The following MYT1L variants were observed in gnomAD, a reference collection of about 807,000 sequenced individuals.
MYT1L encodes the protein myelin transcription factor 1 like, also known as myelin transcription factor 1-like protein.
MYT1L carries 12 observed loss-of-function variants against 126.7 expected under a neutral mutation model. That is an observed-to-expected ratio of 0.09 (90% CI 0.06 to 0.15). MYT1L has a LOEUF of 0.15. MYT1L is among the 10% of genes least tolerant of loss of function. The pLI is 1.00. For synonymous variants in MYT1L, 541 were observed against 604.2 expected, an observed-to-expected ratio of 0.90 and a Z score of 1.53; for missense variants, 979 against 1,585.2, an observed-to-expected ratio of 0.62 and a Z score of 6.49.
At chr2:1,958,595 G>A (rs1180396011) in intron 8 of MYT1L, among the ~76,000 whole-genome samples, 2 of 152,224 alleles carry the variant, frequency 1.3e-5, no homozygotes, top group Admixed American at 1.3e-4. Flanking sequence ...GCTGGCCAGG[G>A]CTCCAGGAGC....
rs550385814 is a variant in MYT1L at position 1,817,261 on chromosome 2, C to T, written c.3081-8094G>A. 3.7e-4 allele frequency among the ~76,000 whole-genome samples: 57 copies of T among 152,274 alleles called. 1 individual carries two copies. The highest frequency in any genetic ancestry group is 1.3e-3 in the African/African-American group (55 of 41,556). ...CATGGGAGAGAACCACCCAGAGGAC[C>T]GACGGCTCCAGGAAGCAGAGGCCAC... is the stretch of plus-strand genomic sequence containing the variant. On this transcript the variant is annotated intron_variant, in intron 21 of 24. Transcript: ENST00000647738.
At chr2:2,121,044 G>A (rs1354426028) in intron 3 of MYT1L, among the ~76,000 whole-genome samples, 1 of 152,214 alleles carries the variant, frequency 6.6e-6, no homozygotes, top group Non-Finnish European at 1.5e-5. Flanking sequence ...CTTGCTCGGC[G>A]GAAGTCAAGG....
intron 4 of MYT1L, among the ~76,000 whole-genome samples, chr2:2,026,973 C>G (rs1018424680): frequency 6.6e-6 from 1 of 152,156 alleles, no homozygotes; most frequent in Non-Finnish European, 1.5e-5. Context: ...GGACAAAGCT[C>G]AAGAGCCCCA....
chr2:2,223,433 T>C (rs1246938927), intron 2 of MYT1L, among the ~76,000 whole-genome samples: 1 of 152,240 alleles, frequency 6.6e-6, no homozygotes, highest in Non-Finnish European at 1.5e-5. Context: ...TGGTCAAAAA[T>C]GAAGTCAGAT....
intron 3 of MYT1L, among the ~76,000 whole-genome samples, chr2:2,133,522 T>C (rs1211237963): frequency 6.6e-6 from 1 of 152,186 alleles, no homozygotes; most frequent in African/African-American, 2.4e-5. Context: ...CTCAAAAGCA[T>C]AAAAACACAA....
At chr2:1,835,034 G>A (rs6730033) in intron 21 of MYT1L, among the ~76,000 whole-genome samples, 9,080 of 59,514 alleles carry the variant, frequency 0.15, 793 homozygotes, top group East Asian at 0.32. Context: ...GGATACAGGT[G>A]CTCCTCCACA....
intron 14 of MYT1L, among the ~76,000 whole-genome samples, chr2:1,901,757 A>G (rs887761625): frequency 6.6e-6 from 1 of 152,196 alleles, no homozygotes; most frequent in South Asian, 2.1e-4. Context: ...TGCTCTGTCC[A>G]CCAGGCTGGA....
At chr2:2,122,872 TGAGAGAGA>T (rs57060194) in intron 3 of MYT1L, among the ~76,000 whole-genome samples, 2 of 132,992 alleles carry the variant, frequency 1.5e-5, no homozygotes, top group African/African-American at 3.0e-5. Flanking sequence ...TGTGTGTGTG[TGAGAGAGA>T]GAGAGAGAGA....
intron 1 of MYT1L, chr2:2,324,707 A>T (rs1210135787): frequency 6.5e-6 from 1 of 152,678 alleles, no homozygotes; most frequent in African/African-American, 2.4e-5. Flanking sequence ...CATCAGGCTC[A>T]CGCTCCCTTA....
At chr2:2,325,445 A>G (rs975604544) in intron 1 of MYT1L, 1 of 152,244 alleles carries the variant, frequency 6.6e-6, no homozygotes, top group African/African-American at 2.4e-5. Flanking sequence ...GAAGAAAAAA[A>G]TATAGAAAAA....
At chr2:1,855,212 A>T (rs1448128330) in intron 18 of MYT1L, among the ~76,000 whole-genome samples, 1 of 152,252 alleles carries the variant, frequency 6.6e-6, no homozygotes, top group African/African-American at 2.4e-5. Flanking sequence ...GTGACTGTTC[A>T]TCTAACAAAA....
At chr2:1,896,846 TGAAA>T (rs1170287011) in intron 14 of MYT1L, among the ~76,000 whole-genome samples, 1 of 152,240 alleles carries the variant, frequency 6.6e-6, no homozygotes, top group South Asian at 2.1e-4. Context: ...ACATTTTACT[TGAAA>T]GAATTTTTAA....
intron 2 of MYT1L, among the ~76,000 whole-genome samples, chr2:2,208,988 A>G (rs1328313597): frequency 3.5e-5 from 5 of 143,004 alleles, no homozygotes; most frequent in Non-Finnish European, 7.7e-5. Context: ...GAAATTAAAC[A>G]GGGAGGCATT....
chr2:2,140,413 AT>A (rs1215422456), intron 3 of MYT1L, among the ~76,000 whole-genome samples: 1 of 120,728 alleles, frequency 8.3e-6, no homozygotes, highest in South Asian at 2.7e-4. Flanking sequence ...CAATGTCTTT[AT>A]TTTTTTTCTT....
At chr2:2,306,535 C>G (rs780744765) in intron 1 of MYT1L, among the ~76,000 whole-genome samples, 13 of 152,210 alleles carry the variant, frequency 8.5e-5, no homozygotes, top group South Asian at 4.2e-4. Context: ...GTCCTAAGGG[C>G]CTTGGGAATA....
chr2:1,965,606 T>C (rs1172640560), intron 8 of MYT1L, among the ~76,000 whole-genome samples: 3 of 152,254 alleles, frequency 2.0e-5, no homozygotes, highest in Non-Finnish European at 2.9e-5. Context: ...TGCCCTGGCA[T>C]GTCCCTTTTT....
At position 1,912,594 on chromosome 2, in the gene MYT1L, C is replaced by T. The variant is rs1019989289; in HGVS notation, c.1619-484G>A. On this transcript the variant is annotated intron_variant, in intron 11 of 24. Coordinates refer to ENST00000647738, the MANE Select transcript of MYT1L (RefSeq NM_001303052.2). This position sits in a 1 kb window ranked among gnomAD's most constrained non-coding sequence, Gnocchi z 4.3. ...CTTTGGAAACACACAGCATTATGAA[C>T]GTGTGGTGGGTAGATGAATACAGAA... Among the ~76,000 whole-genome samples, 3 of 152,136 alleles carry T rather than the reference C, an allele frequency of 2.0e-5. No homozygotes were observed. Among genetic ancestry groups the T allele is most frequent in the Admixed American group, 6.5e-5 (1 of 15,280 alleles).
intron 21 of MYT1L, among the ~76,000 whole-genome samples, chr2:1,832,470 CAGCTGCT>C (rs1470569425): frequency 2.6e-5 from 4 of 152,216 alleles, no homozygotes; most frequent in Admixed American, 2.6e-4. Flanking sequence ...GCCACCCGTG[CAGCTGCT>C]GGGGCTGGGG....
chr2:1,899,969 G>A (rs912589787), intron 14 of MYT1L, among the ~76,000 whole-genome samples: 1 of 152,210 alleles, frequency 6.6e-6, no homozygotes, highest in African/African-American at 2.4e-5. Flanking sequence ...CAGCTGGTGT[G>A]ATTTAAGAGA....
Sources: allele counts gnomAD v4.1 joint callset (sites outside exome capture counted in the v4.1 genomes callset), GRCh38; gene constraint gnomAD v4.1.1; non-coding constraint Gnocchi (gnomAD v3.1); transcripts MANE v1.5; gene names NCBI Gene and HGNC (gene_info 2026-07-23, HGNC 2026-07-21).